FCN2: variants seen among roughly 807,000 people sequenced by gnomAD.
FCN2 encodes the protein ficolin-2.
A neutral mutation model predicts 32.5 loss-of-function variants in FCN2; 31 were observed. That is an observed-to-expected ratio of 0.96 (90% CI 0.72 to 1.29). FCN2 has a LOEUF of 1.29. Ranked by LOEUF, FCN2 falls within the 50% of genes most tolerant of loss-of-function variation. The pLI is 0.00. For synonymous variants in FCN2, 181 were observed against 164.5 expected, an observed-to-expected ratio of 1.10 and a Z score of -0.77; for missense variants, 412 against 406.5, an observed-to-expected ratio of 1.01 and a Z score of -0.12.
chr9:134,879,750 C>T (rs768447950), upstream of FCN2, among the ~76,000 whole-genome samples: 3 of 152,236 alleles, frequency 2.0e-5, no homozygotes, highest in Non-Finnish European at 2.9e-5. Flanking sequence ...TTTTGTTTCT[C>T]GCGTGGCTTT....
chr9:134,872,939 G>A, the FCN2 span, among the ~76,000 whole-genome samples: 42 of 152,282 alleles, frequency 2.8e-4, no homozygotes, highest in Admixed American at 1.2e-3. Flanking sequence ...TCAGCACTGG[G>A]TACCGTCAGT....
At chr9:134,876,711 T>C (rs1449540049), upstream of FCN2, among the ~76,000 whole-genome samples, 1 of 152,170 alleles carries the variant, frequency 6.6e-6, no homozygotes, top group East Asian at 1.9e-4. Context: ...CCCGAGAAGC[T>C]GAGATTACAG....
chr9:134,885,123 C>G lies in FCN2; in HGVS notation c.302-116C>G, dbSNP rs949032929. ...TGTCCCTGTCCAGGCCTCAGAGTCC[C>G]GCTCTGTTCATACAGACGCCTATGG... is the stretch of plus-strand genomic sequence containing the variant. On this transcript the variant is annotated intron_variant, in intron 4 of 7. Coordinates refer to ENST00000291744, the MANE Select transcript of FCN2 (RefSeq NM_004108.3). The G allele has an allele frequency of 9.8e-6, 14 of 1,425,364 alleles. No individual in the cohort carries two copies. In the South Asian group the frequency reaches 1.2e-4, roughly 12 times the overall value. The allele number at this position is 1,425,364 out of a possible 1,614,324, so 88.3% of individuals were successfully genotyped here.
chr9:134,867,677 AAAG>A, the FCN2 span, among the ~76,000 whole-genome samples: 441 of 151,906 alleles, frequency 2.9e-3, no homozygotes, highest in African/African-American at 0.01. Flanking sequence ...AAAAAAAAAA[AAAG>A]AAGTAAACAA....
chr9:134,869,941 G>A, the FCN2 span, among the ~76,000 whole-genome samples: 1 of 152,114 alleles, frequency 6.6e-6, no homozygotes, highest in African/African-American at 2.4e-5. Flanking sequence ...GCTGCAGGAG[G>A]GGGGGGCCCA....
rs1021236502 is a variant in FCN2 at position 134,883,177 on chromosome 9, C to T, written c.215-125C>T. 14 of 870,698 alleles carry T rather than the reference C, an allele frequency of 1.6e-5. 1 individual carries two copies. The South Asian group carries it at 1.9e-4, about 12-fold the overall frequency. The allele number at this position is 870,698 out of a possible 1,614,324, so 53.9% of individuals were successfully genotyped here. ...GGATGGGCAAGCCTGGGCGGGGCCA[C>T]AGTCACGTCGTAGCACGAGCAGGGT... On this transcript the variant is annotated intron_variant, in intron 2 of 7. Transcript: ENST00000291744.
chr9:134,874,145 G>A, the FCN2 span, among the ~76,000 whole-genome samples: 2 of 152,008 alleles, frequency 1.3e-5, no homozygotes, highest in Non-Finnish European at 2.9e-5. Flanking sequence ...CAAACTCTTG[G>A]CCTCAAGTGA....
the FCN2 span, among the ~76,000 whole-genome samples, chr9:134,867,736 G>A: frequency 2.0e-5 from 3 of 151,004 alleles, no homozygotes; most frequent in East Asian, 2.0e-4. Context: ...TGTGTCCTTG[G>A]ACCCCACACT....
intron 5 of FCN2, 41 bp from the exon 6 acceptor site, chr9:134,885,727 G>C (rs767394925): frequency 6.2e-7 from 1 of 1,613,456 alleles, no homozygotes; most frequent in South Asian, 1.1e-5. Flanking sequence ...GTGGGACGTC[G>C]GCCTGGCCCC....
chr9:134,887,042 T>G, intron 7 of FCN2, 126 bp from the exon 8 acceptor site: 1 of 1,084,286 alleles, frequency 9.2e-7, no homozygotes, highest in Non-Finnish European at 1.4e-6. Context: ...CTTCTTGGAT[T>G]GTGCAGTGCA....
the FCN2 span, among the ~76,000 whole-genome samples, chr9:134,869,726 A>G: frequency 6.6e-6 from 1 of 152,204 alleles, no homozygotes; most frequent in Non-Finnish European, 1.5e-5. Flanking sequence ...AGGGACCCAT[A>G]AGCCTCTAGC....
At chr9:134,869,949 C>T in the FCN2 span, among the ~76,000 whole-genome samples, 1 of 152,244 alleles carries the variant, frequency 6.6e-6, no homozygotes, top group South Asian at 2.1e-4. Context: ...AGGGGGGGGC[C>T]CACAAATTCC....
chr9:134,866,641 G>A, the FCN2 span, among the ~76,000 whole-genome samples: 1 of 149,686 alleles, frequency 6.7e-6, no homozygotes, highest in Non-Finnish European at 1.5e-5. Flanking sequence ...TGACAAATGG[G>A]ATCTAATTAA....
At chr9:134,882,695 T>C (rs1830682502) in intron 2 of FCN2, 56 bp downstream of exon 2, 1 of 1,270,568 alleles carries the variant, frequency 7.9e-7, no homozygotes, top group African/African-American at 1.5e-5. Flanking sequence ...AACCAGATGC[T>C]GAGTTGGGCA....
the FCN2 span, among the ~76,000 whole-genome samples, chr9:134,869,319 G>T: frequency 1.3e-5 from 2 of 152,214 alleles, no homozygotes; most frequent in East Asian, 3.9e-4. Flanking sequence ...GAGAGGGAAA[G>T]GTCCTCCTCC....
chr9:134,865,337 C>A, the FCN2 span, among the ~76,000 whole-genome samples: 1 of 152,176 alleles, frequency 6.6e-6, no homozygotes, highest in Non-Finnish European at 1.5e-5. Flanking sequence ...AACTCAGAAC[C>A]AGGGATGGCT....
chr9:134,875,805 G>A, the FCN2 span, among the ~76,000 whole-genome samples: 2 of 152,292 alleles, frequency 1.3e-5, no homozygotes, highest in East Asian at 3.9e-4. Context: ...AGCCCTGTCT[G>A]ATACCTCAAT....
Position 134,886,543 on chromosome 9 carries a change from G to A in FCN2, c.673G>A (p.Ala225Thr), listed in dbSNP as rs777571769. The A allele has an allele frequency of 6.2e-6, 10 of 1,614,036 alleles. No homozygotes were observed. Among genetic ancestry groups the A allele is most frequent in the Admixed American group, 5.0e-5 (3 of 60,000 alleles). ...GGAGAAGTACAATCTGGTCCTGGGG[G>A]CCTTCGTGGAGGGCAGTGCGGGTGA... ...EAEKYNLVLGAFVEGSAGDSL... is the reference protein window; with the variant it reads ...EAEKYNLVLGTFVEGSAGDSL... The change falls in exon 7 of 8, where the codon GCC (alanine) becomes ACC (threonine). Residue 225 changes from alanine to threonine, a missense_variant. Transcript: ENST00000291744.
Position 134,885,224 on chromosome 9 carries a change from G to A in FCN2, c.302-15G>A, listed in dbSNP as rs749189570. 2.9e-5 allele frequency: 46 copies of A among 1,613,800 alleles called. No homozygotes were observed. The highest frequency in any genetic ancestry group is 6.7e-5 in the East Asian group (3 of 44,860). On this transcript the variant is annotated splice_polypyrimidine_tract_variant and intron_variant, in intron 4 of 7. Coordinates refer to ENST00000291744, the MANE Select transcript of FCN2 (RefSeq NM_004108.3). The stretch of plus-strand genomic sequence containing the variant: ...GGCTCCTGTCCTGCAGCCATTCCCC[G>A]GGTTCCCTTCCCAGGCCCGCGTACC...
Sources: gnomAD v4.1 joint callset for allele counts (sites outside exome capture counted in the v4.1 genomes callset) on GRCh38, gnomAD v4.1.1 for gene constraint, MANE v1.5 for transcripts, NCBI Gene and HGNC (gene_info 2026-07-23, HGNC 2026-07-21) for gene names.